GCN1: variants seen among roughly 807,000 people sequenced by gnomAD.
The protein encoded by GCN1 is GCN1 activator of EIF2AK4.
In GCN1, 90 loss-of-function variants were observed where a neutral mutation model predicts 288.4. The observed-to-expected ratio is 0.31, with a 90% CI of 0.26 to 0.37. The LOEUF is 0.37. Among genes scored for constraint, GCN1 ranks in the 10% least tolerant of loss-of-function variants. The pLI is 1.00. For synonymous variants in GCN1, 1,386 were observed against 1,420.2 expected (o/e 0.98, Z 0.54); for missense variants, 2,586 against 3,419.9 (o/e 0.76, Z 6.08).
chr12:120,147,301 T>A (rs1877393554), intron 37 of GCN1, 29 bp from the exon 38 acceptor site: 2 of 1,381,634 alleles, frequency 1.4e-6, no homozygotes, highest in Non-Finnish European at 2.0e-6. Flanking sequence ...GAGAGCTGGA[T>A]GATATACATC....
In GCN1 at chr12:120,142,683, C is replaced by G; in HGVS notation, c.5653G>C (p.Val1885Leu). The G allele has an allele frequency of 6.2e-7, 1 of 1,614,098 alleles. No individual in the cohort carries two copies. Among genetic ancestry groups the G allele is most frequent in the Non-Finnish European group, 8.5e-7 (1 of 1,180,038 alleles). The change falls in exon 44 of 58, where the codon GTG becomes CTG. Residue 1885 changes from valine to leucine, a missense_variant. By Grantham distance (32) the Val-to-Leu change is conservative. Coordinates refer to ENST00000300648, the MANE Select transcript of GCN1 (RefSeq NM_006836.2). The surrounding 1 kb of genome is among the most constrained non-coding windows in gnomAD (Gnocchi z 4.9). ...TALGVERRNR[V>L]LAGLYMGRSD... is the part of the protein sequence containing the mutation. ...CGGCCCATGTACAGCCCTGCCAACACCCGGTTCCGCCGCTCTACCCCCAGG... is the reference window on the plus strand; with the variant it reads ...CGGCCCATGTACAGCCCTGCCAACAGCCGGTTCCGCCGCTCTACCCCCAGG...
chr12:120,131,455 C>G, intron 54 of GCN1, 122 bp from the exon 55 acceptor site: 1 of 906,914 alleles, frequency 1.1e-6, no homozygotes, highest in Admixed American at 2.3e-5. Context: ...AGGAAAACTC[C>G]AGGCCACATT....
chr12:120,177,482 T>C lies in GCN1; in HGVS notation c.803A>G (p.Lys268Arg), dbSNP rs750038306. The C allele has an allele frequency of 6.2e-7, 1 of 1,607,326 alleles. No homozygotes were observed. The highest frequency in any genetic ancestry group is 1.1e-5 in the South Asian group (1 of 90,936). The part of the protein sequence containing the change: ...FKDLILPTIQ[K>R]SLLRSPENVI... ...ATTCTCTGGACTCCTCAGTAAGGAC[T>C]TCTGTATGGTGGGCAGTATCAGATC... The change falls in exon 9 of 58, where the codon AAG becomes AGG. Residue 268 changes from lysine to arginine, a missense_variant. Around this residue, in one of 8 missense-constraint regions of GCN1, gnomAD observed 913 missense variants for 1,107.0 expected, o/e 0.82. Coordinates refer to ENST00000300648, the MANE Select transcript of GCN1 (RefSeq NM_006836.2).
chr12:120,149,506 G>T, intron 36 of GCN1, 100 bp downstream of exon 36: 1 of 800,084 alleles, frequency 1.2e-6, no homozygotes, highest in Non-Finnish European at 2.2e-6. Flanking sequence ...TCCCTGGTCT[G>T]GGGAGCTCAC....
chr12:120,180,603 C>CA (rs1019229683), intron 5 of GCN1, among the ~76,000 whole-genome samples: 28 of 148,512 alleles, frequency 1.9e-4, no homozygotes, highest in South Asian at 1.5e-3. Flanking sequence ...GACTCTGTCT[C>CA]AAAAAAAAAC....
chr12:120,182,223 AAGG>A (rs1307374868), intron 5 of GCN1, among the ~76,000 whole-genome samples: 1 of 152,108 alleles, frequency 6.6e-6, no homozygotes, highest in African/African-American at 2.4e-5. Flanking sequence ...CCCTTCTTAC[AAGG>A]AGGCTTTTGG....
intron 33 of GCN1, among the ~76,000 whole-genome samples, chr12:120,152,883 G>GA (rs1877613955): frequency 1.3e-5 from 2 of 151,616 alleles, no homozygotes; most frequent in South Asian, 4.2e-4. Flanking sequence ...TTAGTGAATA[G>GA]AAAAAATGGA....
Position 120,173,706 on chromosome 12 carries a change from G to A in GCN1, c.1313C>T (p.Ser438Phe), listed in dbSNP as rs551410203. Residue 438 changes from serine (S) to phenylalanine (F), a missense_variant, in exon 14 of 58, where the codon TCC becomes TTC. Transcript: ENST00000300648. Reference sequence around the variant, plus strand: ...GTAGGCATGCCTCACCGCAGATGTGGAGGTTTTAAGGCTGAAAGCTTTTTT... The same window carrying A: ...GTAGGCATGCCTCACCGCAGATGTGAAGGTTTTAAGGCTGAAAGCTTTTTT... Reference protein sequence around the residue: ...WFKKAFSLKTSTSAVRHAYLQ... With the variant: ...WFKKAFSLKTFTSAVRHAYLQ... 3.1e-6 allele frequency: 5 copies of A among 1,613,154 alleles called. No homozygotes were observed. The African/African-American group carries it at 6.7e-5, about 22-fold the overall frequency.
At chr12:120,151,116 T>C in intron 34 of GCN1, 29 bp downstream of exon 34, 2 of 1,604,852 alleles carry the variant, frequency 1.2e-6, no homozygotes, top group Middle Eastern at 3.3e-4. Flanking sequence ...CTTCCCATGC[T>C]GGGCAGCCCC....
rs962815652 is a variant in GCN1 at position 120,177,583 on chromosome 12, A to G, written c.730-28T>C. On this transcript the variant is annotated intron_variant, in intron 8 of 57. Coordinates refer to ENST00000300648, the MANE Select transcript of GCN1 (RefSeq NM_006836.2). ...ACAAAGAAAAAGGAATAAGGCACCT[A>G]GCCCTCATGGGAACGGACCAAGAAG... is the stretch of plus-strand genomic sequence containing the variant. 3.9e-6 allele frequency: 6 copies of G among 1,551,354 alleles called. No individual in the cohort carries two copies. The African/African-American group carries it at 5.4e-5, about 14-fold the overall frequency.
chr12:120,148,102 G>T, intron 37 of GCN1, 65 bp downstream of exon 37: 1 of 1,186,826 alleles, frequency 8.4e-7, no homozygotes, highest in Non-Finnish European at 1.2e-6. Context: ...CAAGTTCCCT[G>T]CAGTGTCCAA....
chr12:120,183,498 A>C, intron 5 of GCN1, 71 bp downstream of exon 5: 4 of 942,244 alleles, frequency 4.2e-6, no homozygotes, highest in South Asian at 3.9e-5. Flanking sequence ...GGCACCAAGA[A>C]GGTGCTGAAA....
chr12:120,185,997 C>T (rs1449498249), intron 2 of GCN1, among the ~76,000 whole-genome samples: 3 of 152,174 alleles, frequency 2.0e-5, no homozygotes, highest in Admixed American at 1.3e-4. Flanking sequence ...AACAGATACA[C>T]TCTAACTCTG....
chr12:120,137,804 T>C lies in GCN1; in HGVS notation c.6404A>G (p.Asn2135Ser), dbSNP rs200703168. The change falls in exon 49 of 58, where the codon AAT becomes AGT. Residue 2135 changes from asparagine to serine, a missense_variant. By Grantham distance (46) the Asn-to-Ser change is conservative (BLOSUM62 1). Transcript: ENST00000300648. The surrounding 1 kb of genome is among the most constrained non-coding windows in gnomAD (Gnocchi z 5.2). ...TACGGAGAGGATCACAGCCTGACAA[T>C]TGGCCATCTCCTGCAAACCACAAGG... is the stretch of plus-strand genomic sequence containing the variant. ...GTPDEQLEMA[N>S]CQAVILSVED... 1.7e-5 allele frequency: 28 copies of C among 1,613,560 alleles called. No homozygotes were observed. The highest frequency in any genetic ancestry group is 8.0e-5 in the African/African-American group (6 of 75,034).
chr12:120,159,715 C>G lies in GCN1; in HGVS notation c.2749+110G>C. On this transcript the variant is annotated intron_variant, in intron 24 of 57. Transcript: ENST00000300648. ...GCTGCTTCCACAAGAAAACAAAACT[C>G]AGCAGCTGAGGTCACCACCCACCTC... The G allele has an allele frequency of 4.4e-6, 4 of 899,540 alleles. No individual in the cohort carries two copies. The South Asian group carries it at 5.6e-5, about 13-fold the overall frequency. 55.7% of individuals were successfully genotyped at this position (899,540 alleles called of 1,614,324 possible).
Position 120,144,523 on chromosome 12 carries a change from A to T in GCN1, c.5353-75T>A. The T allele has an allele frequency of 6.4e-7, 1 of 1,572,862 alleles. No individual in the cohort carries two copies. The highest frequency in any genetic ancestry group is 8.7e-7 in the Non-Finnish European group (1 of 1,155,254). ...AGCCCAAAAAACATGGGGCTCACTG[A>T]AGGCTGAGGGCTCTGCCAACCAACC... On this transcript the variant is annotated intron_variant, in intron 41 of 57. Coordinates refer to ENST00000300648, the MANE Select transcript of GCN1 (RefSeq NM_006836.2). This position sits in a 1 kb window ranked among gnomAD's most constrained non-coding sequence, Gnocchi z 4.7.
intron 16 of GCN1, among the ~76,000 whole-genome samples, chr12:120,165,573 T>G (rs940735828): frequency 6.6e-6 from 1 of 152,148 alleles, no homozygotes; most frequent in East Asian, 1.9e-4. Flanking sequence ...GTTCAACTAA[T>G]TCTCCTGCCT....
At chr12:120,171,506 C>A (rs1015670848) in intron 14 of GCN1, among the ~76,000 whole-genome samples, 1 of 152,088 alleles carries the variant, frequency 6.6e-6, no homozygotes, top group African/African-American at 2.4e-5. Context: ...TTTCTTCCCC[C>A]CTACCCCAAC....
intron 16 of GCN1, among the ~76,000 whole-genome samples, 196 bp from the exon 17 acceptor site, chr12:120,164,917 T>C (rs1003239735): frequency 2.0e-5 from 3 of 149,538 alleles, no homozygotes; most frequent in Non-Finnish European, 4.4e-5. Context: ...GTAAAGTATA[T>C]ACTATTTTTA....
Sources: allele counts gnomAD v4.1 joint callset (sites outside exome capture counted in the v4.1 genomes callset), GRCh38; gene constraint gnomAD v4.1.1; regional missense constraint gnomAD v4.1.1; non-coding constraint Gnocchi (gnomAD v3.1); transcripts MANE v1.5; gene names NCBI Gene and HGNC (gene_info 2026-07-23, HGNC 2026-07-21).